CSMD3: variants seen among roughly 807,000 people sequenced by gnomAD.
CSMD3 encodes CUB and Sushi multiple domains 3.
CSMD3 carries 177 observed loss-of-function variants against 435.2 expected under a neutral mutation model. The observed-to-expected ratio is 0.41, with a 90% CI of 0.36 to 0.46. The LOEUF is 0.46. Ranked by LOEUF, CSMD3 falls within the 20% of genes least tolerant of loss-of-function variation. CSMD3 has a pLI of 0.34. For synonymous variants in CSMD3, 1,656 were observed against 1,520.5 expected, an observed-to-expected ratio of 1.09 and a Z score of -2.07; for missense variants, 4,265 against 4,504.6, an observed-to-expected ratio of 0.95 and a Z score of 1.52.
chr8:112,504,099 C>T (rs189184579), intron 29 of CSMD3, 122 bp from the exon 30 acceptor site: 133 of 603,078 alleles, frequency 2.2e-4, no homozygotes, highest in African/African-American at 1.9e-3. Flanking sequence ...ATAAAAGACG[C>T]TGTCAAAATA....
intron 11 of CSMD3, among the ~76,000 whole-genome samples, chr8:112,830,377 T>G (rs2132481093): frequency 6.6e-6 from 1 of 152,172 alleles, no homozygotes; most frequent in East Asian, 1.9e-4. Context: ...GCACAATACT[T>G]TGAGAGGCAC....
intron 13 of CSMD3, among the ~76,000 whole-genome samples, chr8:112,719,646 T>C (rs549846360): frequency 6.6e-6 from 1 of 152,122 alleles, no homozygotes; most frequent in African/African-American, 2.4e-5. Flanking sequence ...AATACTATCA[T>C]ATTGGGGGTT....
chr8:112,796,805 G>T (rs1052281382), intron 13 of CSMD3, among the ~76,000 whole-genome samples: 3 of 151,926 alleles, frequency 2.0e-5, no homozygotes, highest in African/African-American at 7.2e-5. Flanking sequence ...AAAATCTCCT[G>T]TGAATCAGAA....
chr8:112,234,021 T>C (rs4876460), intron 68 of CSMD3, among the ~76,000 whole-genome samples: 100,912 of 151,884 alleles, frequency 0.66, 35,340 homozygotes, highest in African/African-American at 0.89. Flanking sequence ...TTATTTATCA[T>C]AGTGCTGATT....
chr8:112,343,207 A>T (rs1277746069), intron 41 of CSMD3, among the ~76,000 whole-genome samples: 1 of 151,740 alleles, frequency 6.6e-6, no homozygotes, highest in Admixed American at 6.6e-5. Context: ...CAGAAATTGA[A>T]GATCATGTTA....
rs777147455 is a variant in CSMD3 at position 112,408,384 on chromosome 8, G to A, written c.5539C>T (p.Gln1847Ter). 1 of 1,610,370 alleles carries A rather than the reference G, an allele frequency of 6.2e-7. No homozygotes were observed. Among genetic ancestry groups the A allele is most frequent in the East Asian group, 2.2e-5 (1 of 44,726 alleles). ...GESLPLSSGN[Q>*]ITIRFTSVGP... is the part of the protein sequence containing the mutation. Reference sequence around the variant, plus strand: ...ACTGAAGTAAATCGAATTGTGATCTGATTACCTGAACTCAGTGGAAGTGAT... The same window carrying A: ...ACTGAAGTAAATCGAATTGTGATCTAATTACCTGAACTCAGTGGAAGTGAT... Residue 1847 changes from glutamine to a stop codon, truncating the protein, a stop_gained, in exon 34 of 71, where the codon CAG becomes TAG. Transcript: ENST00000297405. LOFTEE classifies it high-confidence loss of function.
intron 28 of CSMD3, 140 bp downstream of exon 28, chr8:112,516,893 CA>C: frequency 1.5e-6 from 1 of 649,978 alleles, no homozygotes; most frequent in Non-Finnish European, 2.6e-6. Context: ...CAATTTTGTA[CA>C]TTCTGCGGAG....
intron 13 of CSMD3, among the ~76,000 whole-genome samples, chr8:112,708,309 C>T (rs934097126): frequency 2.6e-5 from 4 of 151,740 alleles, no homozygotes; most frequent in Non-Finnish European, 5.9e-5. Context: ...TAAATTATAC[C>T]CAGATGGTAG....
intron 58 of CSMD3, among the ~76,000 whole-genome samples, 185 bp downstream of exon 58, chr8:112,286,879 A>T (rs929622496): frequency 3.9e-5 from 6 of 152,094 alleles, no homozygotes; most frequent in Admixed American, 6.6e-5. Flanking sequence ...AGGGTTTTTT[A>T]AAAAAATTAT....
intron 8 of CSMD3, among the ~76,000 whole-genome samples, chr8:112,952,530 T>C (rs1017710902): frequency 6.6e-6 from 1 of 151,690 alleles, no homozygotes. Flanking sequence ...TGATACAAAT[T>C]AAAACAATAT....
chr8:112,231,024 A>G (rs752404191), intron 69 of CSMD3, among the ~76,000 whole-genome samples: 6 of 152,222 alleles, frequency 3.9e-5, no homozygotes, highest in Non-Finnish European at 5.9e-5. Flanking sequence ...GGAAATAAAA[A>G]TGACAAAATT....
At chr8:113,294,424 C>T (rs1269904403) in intron 2 of CSMD3, among the ~76,000 whole-genome samples, 2 of 151,904 alleles carry the variant, frequency 1.3e-5, no homozygotes, top group African/African-American at 4.8e-5. Context: ...ATGAAGAAAA[C>T]AAAGGCCTAT....
intron 3 of CSMD3, among the ~76,000 whole-genome samples, chr8:113,266,542 G>T (rs886211026): frequency 1.3e-5 from 2 of 151,442 alleles, no homozygotes; most frequent in Non-Finnish European, 3.0e-5. Context: ...TATAGTAAGT[G>T]CTTCGTTAAA....
intron 13 of CSMD3, among the ~76,000 whole-genome samples, chr8:112,756,791 G>A (rs975700201): frequency 7.5e-5 from 11 of 147,008 alleles, no homozygotes; most frequent in African/African-American, 2.5e-4. Context: ...TTTTTGAGAC[G>A]GAAGTCTCAC....
intron 13 of CSMD3, among the ~76,000 whole-genome samples, chr8:112,772,367 T>C (rs549462851): frequency 4.9e-4 from 74 of 152,232 alleles, no homozygotes; most frequent in African/African-American, 1.7e-3. Context: ...GATTAAGGGC[T>C]GTGCAGGGTG....
At chr8:113,243,215 ATTCT>A (rs1387619113) in intron 3 of CSMD3, among the ~76,000 whole-genome samples, 3 of 151,998 alleles carry the variant, frequency 2.0e-5, no homozygotes, top group South Asian at 4.1e-4. Flanking sequence ...TTATCCACAC[ATTCT>A]TTCTTTAAAA....
At chr8:112,955,651 G>T (rs1487515399) in intron 7 of CSMD3, among the ~76,000 whole-genome samples, 4 of 151,524 alleles carry the variant, frequency 2.6e-5, no homozygotes, top group Non-Finnish European at 5.9e-5. Context: ...TGTCCCCATT[G>T]ACCAATCACT....
At chr8:113,423,333 G>A (rs542553490) in intron 1 of CSMD3, among the ~76,000 whole-genome samples, 1 of 152,050 alleles carries the variant, frequency 6.6e-6, no homozygotes, top group East Asian at 1.9e-4. Flanking sequence ...TTCTTGGCTG[G>A]TGTACCTCTT....
At chr8:113,372,319 T>C (rs2094350564) in intron 1 of CSMD3, among the ~76,000 whole-genome samples, 1 of 152,220 alleles carries the variant, frequency 6.6e-6, no homozygotes. Context: ...CATATTAGGT[T>C]GGTAAACTTA....
Sources: allele counts gnomAD v4.1 joint callset (sites outside exome capture counted in the v4.1 genomes callset), GRCh38; gene constraint gnomAD v4.1.1; transcripts MANE v1.5; gene names NCBI Gene and HGNC (gene_info 2026-07-23, HGNC 2026-07-21).